The following MCF2L variants were observed in gnomAD, a reference collection of about 807,000 sequenced individuals.
MCF2L encodes the protein MCF.2 cell line derived transforming sequence like, also known as guanine nucleotide exchange factor DBS.
In MCF2L, 97 loss-of-function variants were observed where a neutral mutation model predicts 153.4. The observed-to-expected ratio is 0.63, with a 90% CI of 0.54 to 0.75. The LOEUF is 0.75. Ranked by LOEUF, MCF2L falls within the 30% of genes least tolerant of loss-of-function variation. MCF2L has a pLI of 0.00. For synonymous variants in MCF2L, 659 were observed against 632.2 expected (o/e 1.04, Z -0.64); for missense variants, 1,347 against 1,495.2 (o/e 0.90, Z 1.64).
intron 1 of MCF2L, among the ~76,000 whole-genome samples, chr13:112,995,389 A>G (rs1180518454): frequency 6.6e-6 from 1 of 152,202 alleles, no homozygotes; most frequent in Admixed American, 6.5e-5. Flanking sequence ...GTCAGCACTA[A>G]GCTGTATGAG....
In MCF2L at chr13:112,985,184, G is replaced by A. The variant is rs571305258; in HGVS notation, c.79+15726G>A. The stretch of plus-strand genomic sequence containing the variant: ...TGGACCTGCATGTAAACATCAGGGC[G>A]GAGCAGGAATCGGCCTCCAGGAGGG... On this transcript the variant is annotated intron_variant, in intron 1 of 29. Coordinates refer to ENST00000535094, the MANE Select transcript of MCF2L (RefSeq NM_001112732.3). 5 of 344,656 alleles carry A rather than the reference G, an allele frequency of 1.5e-5. No individual in the cohort carries two copies. The East Asian group carries it at 2.3e-4, about 16-fold the overall frequency. The allele number at this position is 344,656 out of a possible 1,614,324, so 21.3% of individuals were successfully genotyped here. A position where few individuals can be genotyped will look rare whatever the true frequency, so the allele number is the denominator to read the frequency against.
intron 1 of MCF2L, among the ~76,000 whole-genome samples, chr13:113,000,148 G>A (rs116310474): frequency 6.4e-4 from 97 of 152,326 alleles, no homozygotes; most frequent in African/African-American, 2.2e-3. Context: ...TCTGGGATGC[G>A]TTCTGACGGT....
intron 12 of MCF2L, 133 bp from the exon 13 acceptor site, chr13:113,076,919 G>A (rs1566851988): frequency 2.0e-6 from 2 of 994,132 alleles, no homozygotes; most frequent in South Asian, 3.4e-5. Context: ...CAGCTGCGCT[G>A]CGCTGACAGA....
At chr13:113,085,730 C>T (rs2034574645) in intron 20 of MCF2L, among the ~76,000 whole-genome samples, 1 of 105,570 alleles carries the variant, frequency 9.5e-6, no homozygotes, top group African/African-American at 3.7e-5. Flanking sequence ...GAGGGAGCTC[C>T]CCGGGGAGCA....
Position 113,087,693 on chromosome 13 carries a change from C to T in MCF2L, c.2596-14C>T. ...ACTGTGCACGCGAACCCCATCTCCACTCTCTGCTCGCAGATGGCTGCCGTT... is the reference window on the plus strand; with the variant it reads ...ACTGTGCACGCGAACCCCATCTCCATTCTCTGCTCGCAGATGGCTGCCGTT... On this transcript the variant is annotated splice_polypyrimidine_tract_variant and intron_variant, in intron 22 of 29. Coordinates refer to ENST00000535094, the MANE Select transcript of MCF2L (RefSeq NM_001112732.3). 6.2e-7 allele frequency: 1 copy of T among 1,608,894 alleles called. No individual in the cohort carries two copies. Among genetic ancestry groups the T allele is most frequent in the Non-Finnish European group, 8.5e-7 (1 of 1,175,402 alleles).
intron 1 of MCF2L, among the ~76,000 whole-genome samples, chr13:112,972,657 A>G (rs547594528): frequency 3.0e-5 from 4 of 133,446 alleles, no homozygotes; most frequent in Admixed American, 7.5e-5. Context: ...TAGATGGATG[A>G]GTGGATATAT....
chr13:112,972,770 G>GT, intron 1 of MCF2L, among the ~76,000 whole-genome samples: 1 of 22,590 alleles, frequency 4.4e-5, no homozygotes, highest in Non-Finnish European at 1.1e-4. Context: ...GAGGGAGGGA[G>GT]GGATGGATGC....
chr13:112,959,524 G>A (rs988151185), intron 2 of MCF2L, among the ~76,000 whole-genome samples: 6 of 152,056 alleles, frequency 3.9e-5, no homozygotes, highest in Non-Finnish European at 7.4e-5. Context: ...CATCCTGGGG[G>A]GAGAACTCCT....
At chr13:112,987,841 CCCT>C (rs2082712777) in intron 1 of MCF2L, among the ~76,000 whole-genome samples, 1 of 152,234 alleles carries the variant, frequency 6.6e-6, no homozygotes, top group South Asian at 2.1e-4. Flanking sequence ...GGGATTGTCC[CCCT>C]CGTCACAGCG....
intron 26 of MCF2L, 35 bp downstream of exon 26, chr13:113,089,763 G>A (rs781524572): frequency 6.3e-7 from 1 of 1,599,812 alleles, no homozygotes; most frequent in South Asian, 1.1e-5. Context: ...TCACACGGAG[G>A]CCTCACACGG....
intron 1 of MCF2L, among the ~76,000 whole-genome samples, chr13:112,970,951 G>A (rs1415576219): frequency 3.9e-5 from 6 of 152,122 alleles, no homozygotes; most frequent in Non-Finnish European, 1.5e-5. Context: ...TGCTTCACCA[G>A]GACTTTCAAG....
Position 113,084,690 on chromosome 13 carries a change from G to A in MCF2L, c.2062-202G>A. 5 of 592,238 alleles carry A rather than the reference G, an allele frequency of 8.4e-6. No homozygotes were observed. In the South Asian group the frequency reaches 1.0e-4, roughly 12 times the overall value. 36.7% of individuals were successfully genotyped at this position (592,238 alleles called of 1,614,324 possible). A position where few individuals can be genotyped will look rare whatever the true frequency, so the allele number is the denominator to read the frequency against. ...CTCTGGGACAGGGAGCCCCATTAAT[G>A]GAGGGCAGGCCCCCCAGCGGAGCCT... On this transcript the variant is annotated intron_variant, in intron 18 of 29. Transcript: ENST00000535094.
chr13:112,942,050 C>G (rs765322468), intron 2 of MCF2L, among the ~76,000 whole-genome samples: 3 of 152,176 alleles, frequency 2.0e-5, no homozygotes, highest in Admixed American at 6.5e-5. Flanking sequence ...CTTAGCAGAC[C>G]GGGAAAGGGA....
At chr13:113,026,682 T>C (rs2085330982) in intron 3 of MCF2L, among the ~76,000 whole-genome samples, 1 of 152,250 alleles carries the variant, frequency 6.6e-6, no homozygotes. Context: ...GGCCTCTCTG[T>C]GTCGTGGTCA....
intron 1 of MCF2L, among the ~76,000 whole-genome samples, chr13:112,999,355 C>T (rs1249972768): frequency 6.7e-6 from 1 of 149,824 alleles, no homozygotes; most frequent in Non-Finnish European, 1.5e-5. Flanking sequence ...TCTCGGGGTC[C>T]TTGCATCTGT....
chr13:112,991,297 G>T (rs2082887169), intron 1 of MCF2L, among the ~76,000 whole-genome samples: 1 of 151,664 alleles, frequency 6.6e-6, no homozygotes. Flanking sequence ...TGTTTTGGGG[G>T]GCGTCTCCCA....
rs2081960847 is a variant in MCF2L at position 112,969,248 on chromosome 13, G to C, written c.-132G>C. The C allele has an allele frequency of 1.4e-6, 2 of 1,386,718 alleles. No individual in the cohort carries two copies. The highest frequency in any genetic ancestry group is 1.9e-6 in the Non-Finnish European group (2 of 1,062,304). The allele number at this position is 1,386,718 out of a possible 1,614,324, so 85.9% of individuals were successfully genotyped here. A position where few individuals can be genotyped will look rare whatever the true frequency, so the allele number is the denominator to read the frequency against. ...ATCCTGGGCAGGGAGGCGGCGGCTG[G>C]AGGCTGAAAGCGCTGCCGTGGCCCC... On this transcript the variant is annotated 5_prime_UTR_variant, in exon 1 of 30. Transcript: ENST00000535094. This position sits in a 1 kb window ranked among gnomAD's most constrained non-coding sequence, Gnocchi z 4.8.
At position 113,045,154 on chromosome 13, in the gene MCF2L, C is replaced by T. The variant is rs80042516; in HGVS notation, c.279-117C>T. 134 of 994,274 alleles carry T rather than the reference C, an allele frequency of 1.3e-4. No individual in the cohort carries two copies. The African/African-American group carries it at 1.9e-3, about 14-fold the overall frequency. The allele number at this position is 994,274 out of a possible 1,614,324, so 61.6% of individuals were successfully genotyped here. A position where few individuals can be genotyped will look rare whatever the true frequency, so the allele number is the denominator to read the frequency against. On this transcript the variant is annotated intron_variant, in intron 3 of 29. Transcript: ENST00000535094. This position sits in a 1 kb window ranked among gnomAD's most constrained non-coding sequence, Gnocchi z 4.2. Reference sequence around the variant, plus strand: ...GTGCCATGCCTCTCACCTGGTATTGCAGAAATGGCATCATGAATATGGGGG... The same window carrying T: ...GTGCCATGCCTCTCACCTGGTATTGTAGAAATGGCATCATGAATATGGGGG...
chr13:113,050,246 G>A (rs112392736), intron 4 of MCF2L, among the ~76,000 whole-genome samples: 2 of 149,168 alleles, frequency 1.3e-5, no homozygotes, highest in East Asian at 2.0e-4. Flanking sequence ...GTGTGTGCGC[G>A]AGTGGGAGTG....
Sources: gnomAD v4.1 joint callset for allele counts (sites outside exome capture counted in the v4.1 genomes callset) on GRCh38, gnomAD v4.1.1 for gene constraint, Gnocchi (gnomAD v3.1) non-coding constraint, MANE v1.5 for transcripts, NCBI Gene and HGNC (gene_info 2026-07-23, HGNC 2026-07-21) for gene names.